The following RHBDF2 variants were observed in gnomAD, a reference collection of about 807,000 sequenced individuals.
RHBDF2 encodes rhomboid 5 homolog 2, also known as inactive rhomboid protein 2.
Under a neutral mutation model 95.2 loss-of-function variants are expected in RHBDF2, and 38 were observed. The ratio of observed to expected loss-of-function variants is 0.40; its 90% CI spans 0.31 to 0.52. The LOEUF is 0.52. RHBDF2 is among the 20% of genes least tolerant of loss of function. The pLI is 0.56. For synonymous variants in RHBDF2, 442 were observed against 462.0 expected, an observed-to-expected ratio of 0.96 and a Z score of 0.55; for missense variants, 863 against 1,137.7, an observed-to-expected ratio of 0.76 and a Z score of 3.47.
intron 5 of RHBDF2, 32 bp downstream of exon 5, chr17:76,479,050 C>G (rs1351187623): frequency 1.2e-6 from 2 of 1,612,176 alleles, no homozygotes; most frequent in African/African-American, 2.7e-5. Context: ...ATTAGGGTCC[C>G]CACCCCTGCC....
At chr17:76,479,690 T>G in intron 4 of RHBDF2, 43 bp downstream of exon 4, 2 of 1,455,780 alleles carry the variant, frequency 1.4e-6, no homozygotes, top group Non-Finnish European at 1.9e-6. Flanking sequence ...AATCCACAGG[T>G]TGCTGGGTGG....
At chr17:76,490,789 G>T (rs1326099356) in intron 1 of RHBDF2, among the ~76,000 whole-genome samples, 2 of 152,150 alleles carry the variant, frequency 1.3e-5, no homozygotes, top group Non-Finnish European at 2.9e-5. Flanking sequence ...CGCTGCGCCT[G>T]GCACACCAGG....
intron 4 of RHBDF2, 71 bp from the exon 5 acceptor site, chr17:76,479,348 G>A (rs1274125130): frequency 6.5e-7 from 1 of 1,537,210 alleles, no homozygotes; most frequent in African/African-American, 1.4e-5. Context: ...TGTGGAAGGG[G>A]TGATGGCACG....
At chr17:76,486,077 TAC>T (rs57942849) in intron 2 of RHBDF2, among the ~76,000 whole-genome samples, 1,648 of 144,834 alleles carry the variant, frequency 0.011, 16 homozygotes, top group African/African-American at 0.026. Flanking sequence ...TATATATATG[TAC>T]ACACACACAC....
At chr17:76,491,798 G>T (rs892644689) in intron 1 of RHBDF2, among the ~76,000 whole-genome samples, 1 of 152,198 alleles carries the variant, frequency 6.6e-6, no homozygotes, top group African/African-American at 2.4e-5. Flanking sequence ...GAAAGGAGTG[G>T]GGACTGTCAG....
chr17:76,477,391 G>A, intron 7 of RHBDF2, 93 bp from the exon 8 acceptor site: 2 of 1,428,316 alleles, frequency 1.4e-6, no homozygotes, highest in Non-Finnish European at 1.9e-6. Flanking sequence ...CAGCTGAACA[G>A]ACGGGCTCTT....
chr17:76,489,625 CTGTT>C (rs755372034), intron 1 of RHBDF2, among the ~76,000 whole-genome samples: 2 of 152,214 alleles, frequency 1.3e-5, no homozygotes, highest in Non-Finnish European at 2.9e-5. Flanking sequence ...GCCCAGCCGC[CTGTT>C]TGTTTTTAAG....
intron 4 of RHBDF2, 43 bp from the exon 5 acceptor site, chr17:76,479,320 C>T (rs763606917): frequency 4.0e-5 from 62 of 1,553,700 alleles, no homozygotes; most frequent in Admixed American, 5.7e-5. Context: ...CGCTTGTCTA[C>T]GCCTGTGCAC....
At chr17:76,481,320 TGG>T in intron 3 of RHBDF2, 53 bp downstream of exon 3, 1 of 1,554,248 alleles carries the variant, frequency 6.4e-7, no homozygotes, top group Non-Finnish European at 8.7e-7. Flanking sequence ...AAGTGTCACG[TGG>T]GTACATCTGT....
At chr17:76,472,393 G>T in intron 18 of RHBDF2, 1 of 575,494 alleles carries the variant, frequency 1.7e-6, no homozygotes, top group Non-Finnish European at 3.1e-6. Context: ...GACGGCGCAC[G>T]GAGGCCATTT....
intron 6 of RHBDF2, among the ~76,000 whole-genome samples, chr17:76,478,032 C>G (rs2073829963): frequency 6.6e-6 from 1 of 152,238 alleles, no homozygotes; most frequent in Non-Finnish European, 1.5e-5. Flanking sequence ...AGTCACCTTT[C>G]CCTTGGTCCC....
chr17:76,476,784 T>C lies in RHBDF2; in HGVS notation c.1115+46A>G, dbSNP rs185430217. On this transcript the variant is annotated intron_variant, in intron 9 of 18. Coordinates refer to ENST00000675367, the MANE Select transcript of RHBDF2 (RefSeq NM_001005498.4). ...GCGCTTCAGGAGGGCCCAGAGGAATTTGGAACCTTCCAGGCTCTCCTGGGG... is the reference window on the plus strand; with the variant it reads ...GCGCTTCAGGAGGGCCCAGAGGAATCTGGAACCTTCCAGGCTCTCCTGGGG... 4.1e-5 allele frequency: 62 copies of C among 1,530,258 alleles called. No homozygotes were observed. In the African/African-American group the frequency reaches 6.1e-4, roughly 15 times the overall value. The allele number at this position is 1,530,258 out of a possible 1,614,324, so 94.8% of individuals were successfully genotyped here. A position where few individuals can be genotyped will look rare whatever the true frequency, so the allele number is the denominator to read the frequency against.
intron 2 of RHBDF2, among the ~76,000 whole-genome samples, chr17:76,485,340 G>A (rs570145611): frequency 7.5e-4 from 113 of 151,458 alleles, no homozygotes; most frequent in African/African-American, 2.6e-3. Context: ...GAACCTGGAA[G>A]GTGGAGTTAG....
chr17:76,490,378 A>G (rs1412438382), intron 1 of RHBDF2, among the ~76,000 whole-genome samples: 1 of 152,102 alleles, frequency 6.6e-6, no homozygotes, highest in African/African-American at 2.4e-5. Context: ...TGGCAGCCAC[A>G]CCGGGACCCC....
At chr17:76,483,949 T>G (rs2074046493) in intron 2 of RHBDF2, among the ~76,000 whole-genome samples, 1 of 152,206 alleles carries the variant, frequency 6.6e-6, no homozygotes, top group Non-Finnish European at 1.5e-5. Context: ...CTCTGCCCCA[T>G]GACCGTCTTC....
chr17:76,475,063 G>A lies in RHBDF2; in HGVS notation c.1194C>T (p.Pro398=), dbSNP rs756982462. 6.0e-5 allele frequency: 95 copies of A among 1,595,706 alleles called. No individual in the cohort carries two copies. Among genetic ancestry groups the A allele is most frequent in the East Asian group, 2.3e-4 (10 of 44,172 alleles). Reference sequence around the variant, plus strand: ...TGGTGACGTGCTGGGCAAAGCCCACGGGTGCGATGCCATACGTGCAAATCA... The same window carrying A: ...TGGTGACGTGCTGGGCAAAGCCCACAGGTGCGATGCCATACGTGCAAATCA... ...LLVICTYGIA[P]VGFAQHVTTQ... The change falls in exon 10 of 19, where the codon CCC becomes CCT. Residue 398 remains proline, a synonymous_variant. Coordinates refer to ENST00000675367, the MANE Select transcript of RHBDF2 (RefSeq NM_001005498.4).
Position 76,479,273 on chromosome 17 carries a change from C to T in RHBDF2, c.277G>A (p.Ala93Thr), listed in dbSNP as rs114238341. The T allele has an allele frequency of 8.0e-4, 1,283 of 1,597,016 alleles. 21 individuals carry two copies. In the African/African-American group the frequency reaches 0.015, roughly 19 times the overall value. The change falls in exon 5 of 19, where the codon GCA (alanine) becomes ACA (threonine). Residue 93 changes from alanine (A) to threonine (T), a missense_variant. Physicochemically the swap from Ala to Thr is moderately conservative, Grantham distance 58 (BLOSUM62 0). Around this residue, in one of 2 missense-constraint regions of RHBDF2, gnomAD observed 611 missense variants for 725.5 expected, o/e 0.84. Transcript: ENST00000675367. Reference sequence around the variant, plus strand: ...CCGCTGACTCCAAACCACTGGGCTGCGCCCCTGCGGAAGCAGACAAGGGAC... The same window carrying T: ...CCGCTGACTCCAAACCACTGGGCTGTGCCCCTGCGGAAGCAGACAAGGGAC... ...ASLSQSIRKG[A>T]AQWFGVSGDW...
At position 76,481,978 on chromosome 17, in the gene RHBDF2, CACACACACACACACACACACACACAA is replaced by C. The variant is rs1488243498; in HGVS notation, c.-21-459_-21-434del. The C allele has an allele frequency of 2.0e-3, 199 of 101,820 alleles. 1 individual carries two copies. Among genetic ancestry groups the C allele is most frequent in the Admixed American group, 3.7e-3 (40 of 10,816 alleles). 6.3% of individuals were successfully genotyped at this position (101,820 alleles called of 1,614,324 possible). On this transcript the variant is annotated intron_variant, in intron 2 of 18. Transcript: ENST00000675367. ...ACACACACACACACACACACACACA[CACACACACACACACACACACACACAA>C]AACCAAAAACAAACCATCCCTGGGG...
At position 76,480,007 on chromosome 17, in the gene RHBDF2, ATG is replaced by A. The variant is rs138608987; in HGVS notation, c.151-155_151-154del. On this transcript the variant is annotated intron_variant, in intron 3 of 18. Coordinates refer to ENST00000675367, the MANE Select transcript of RHBDF2 (RefSeq NM_001005498.4). ...TTTCATTTGGAAATATATATATATAATGTGTGTGTGTGTGTGTGTGTGTGTGT... is the reference window on the plus strand; with the variant it reads ...TTTCATTTGGAAATATATATATATAATGTGTGTGTGTGTGTGTGTGTGTGT... 0.024 allele frequency: 7,250 copies of A among 306,494 alleles called. 138 individuals carry two copies. The highest frequency in any genetic ancestry group is 0.086 in the African/African-American group (2,529 of 29,516). The allele number at this position is 306,494 out of a possible 1,614,324, so 19.0% of individuals were successfully genotyped here.
Sources: gnomAD v4.1 joint callset for allele counts (sites outside exome capture counted in the v4.1 genomes callset) on GRCh38, gnomAD v4.1.1 for gene constraint, gnomAD v4.1.1 regional missense constraint, MANE v1.5 for transcripts, NCBI Gene and HGNC (gene_info 2026-07-23, HGNC 2026-07-21) for gene names.